BACH2: variants seen among roughly 807,000 people sequenced by gnomAD.
BACH2 encodes transcription regulator protein BACH2.
BACH2 carries 5 observed loss-of-function variants against 61.8 expected under a neutral mutation model. That is an observed-to-expected ratio of 0.08 (90% CI 0.04 to 0.17). The LOEUF (loss-of-function observed/expected upper bound fraction) is 0.17. BACH2 is among the 10% of genes least tolerant of loss of function. The pLI is 1.00. For synonymous variants in BACH2, 446 were observed against 440.1 expected, an observed-to-expected ratio of 1.01 and a Z score of -0.17; for missense variants, 824 against 1,091.1, an observed-to-expected ratio of 0.76 and a Z score of 3.45.
chr6:90,161,904 AAAAG>A (rs1785204451), intron 4 of BACH2, among the ~76,000 whole-genome samples: 1 of 152,192 alleles, frequency 6.6e-6, no homozygotes, highest in Admixed American at 6.5e-5. Context: ...AATGTGTACT[AAAAG>A]AAGCGGAACC....
At chr6:89,935,294 G>A (rs973294778) in intron 8 of BACH2, among the ~76,000 whole-genome samples, 2 of 152,292 alleles carry the variant, frequency 1.3e-5, no homozygotes, top group East Asian at 3.9e-4. Flanking sequence ...TATATGGGTG[G>A]CTGTGCAACC....
At chr6:90,212,072 G>A (rs990284454) in intron 3 of BACH2, among the ~76,000 whole-genome samples, 1 of 152,178 alleles carries the variant, frequency 6.6e-6, no homozygotes, top group Non-Finnish European at 1.5e-5. Flanking sequence ...TTAGAAACTT[G>A]GGAAATCAGA....
Position 90,008,484 on chromosome 6 carries a change from T to C in BACH2, c.243+118A>G. On this transcript the variant is annotated intron_variant, in intron 6 of 8. Coordinates refer to ENST00000257749, the MANE Select transcript of BACH2 (RefSeq NM_021813.4). The surrounding 1 kb of genome is among the most constrained non-coding windows in gnomAD (Gnocchi z 4.1). Reference sequence around the variant, plus strand: ...TATGCCACAGACCTAACATGTGACTTGGACATCAACTCCTGAGTGGGGACA... The same window carrying C: ...TATGCCACAGACCTAACATGTGACTCGGACATCAACTCCTGAGTGGGGACA... The C allele has an allele frequency of 7.8e-7, 1 of 1,289,644 alleles. No individual in the cohort carries two copies. The highest frequency in any genetic ancestry group is 1.9e-5 in the Admixed American group (1 of 52,370). 79.9% of individuals were successfully genotyped at this position (1,289,644 alleles called of 1,614,324 possible). A position where few individuals can be genotyped will look rare whatever the true frequency, so the allele number is the denominator to read the frequency against.
At chr6:90,265,942 A>AT in intron 2 of BACH2, among the ~76,000 whole-genome samples, 1 of 152,294 alleles carries the variant, frequency 6.6e-6, no homozygotes, top group East Asian at 1.9e-4. Flanking sequence ...CAACCCTATG[A>AT]TGTAAGTATT....
intron 3 of BACH2, among the ~76,000 whole-genome samples, chr6:90,239,203 A>G (rs1270502220): frequency 2.6e-5 from 4 of 152,224 alleles, no homozygotes; most frequent in Non-Finnish European, 5.9e-5. Flanking sequence ...CTAGGATCTA[A>G]GATGTCCACG....
intron 4 of BACH2, among the ~76,000 whole-genome samples, chr6:90,187,217 T>C (rs934242409): frequency 2.0e-5 from 3 of 152,148 alleles, no homozygotes; most frequent in Non-Finnish European, 4.4e-5. Flanking sequence ...AGAGGCAAAA[T>C]GTACCGAATA....
intron 4 of BACH2, among the ~76,000 whole-genome samples, chr6:90,172,603 A>G (rs765922866): frequency 8.3e-4 from 127 of 152,106 alleles, no homozygotes; most frequent in Non-Finnish European, 1.3e-3. Flanking sequence ...TGTCTTTAAA[A>G]CACTGAAAGA....
chr6:90,233,686 A>AT (rs1406500521), intron 3 of BACH2, among the ~76,000 whole-genome samples: 1 of 152,152 alleles, frequency 6.6e-6, no homozygotes, highest in African/African-American at 2.4e-5. Context: ...AATATCAGCG[A>AT]TTGGTATTAC....
At chr6:90,181,855 C>T (rs1489140941) in intron 4 of BACH2, among the ~76,000 whole-genome samples, 1 of 152,106 alleles carries the variant, frequency 6.6e-6, no homozygotes, top group Non-Finnish European at 1.5e-5. Flanking sequence ...AAGTCCCATA[C>T]TAAGCTAATG....
At chr6:89,977,913 C>T (rs1022520217) in intron 6 of BACH2, among the ~76,000 whole-genome samples, 3 of 152,160 alleles carry the variant, frequency 2.0e-5, no homozygotes, top group East Asian at 1.9e-4. Flanking sequence ...AAGTGCTGAG[C>T]GTACGCTGGA....
intron 6 of BACH2, chr6:90,001,147 C>G (rs1459791151): frequency 6.6e-6 from 1 of 152,274 alleles, no homozygotes; most frequent in Non-Finnish European, 1.5e-5. Flanking sequence ...CTGTTGCATA[C>G]TGAAGGCAAT....
At chr6:90,045,880 T>C (rs1395401263) in intron 5 of BACH2, among the ~76,000 whole-genome samples, 1 of 152,226 alleles carries the variant, frequency 6.6e-6, no homozygotes, top group Non-Finnish European at 1.5e-5. Flanking sequence ...AGTTGGCACA[T>C]TTTTAAAGGT....
At chr6:90,273,057 A>C (rs924471204) in intron 1 of BACH2, among the ~76,000 whole-genome samples, 2 of 152,192 alleles carry the variant, frequency 1.3e-5, no homozygotes, top group African/African-American at 4.8e-5. Flanking sequence ...TATGTGCCTC[A>C]GTCTCCTCAT....
chr6:90,133,081 AAATTAGTT>A (rs1401574539), intron 4 of BACH2, among the ~76,000 whole-genome samples: 1 of 152,222 alleles, frequency 6.6e-6, no homozygotes, highest in Non-Finnish European at 1.5e-5. Context: ...ATTCAAATGC[AAATTAGTT>A]AATTTCTTGT....
At chr6:90,092,496 G>A (rs1782213381) in intron 4 of BACH2, among the ~76,000 whole-genome samples, 2 of 151,814 alleles carry the variant, frequency 1.3e-5, no homozygotes, top group South Asian at 4.2e-4. Flanking sequence ...CCCACTCACA[G>A]TAGCTTTGTT....
At chr6:90,125,692 C>T (rs1884574) in intron 4 of BACH2, among the ~76,000 whole-genome samples, 6,340 of 152,262 alleles carry the variant, frequency 0.042, 381 homozygotes, top group African/African-American at 0.13. Context: ...CCCATTCCAC[C>T]GGGCACATGC....
intron 5 of BACH2, among the ~76,000 whole-genome samples, chr6:90,030,812 C>A (rs1300989033): frequency 3.3e-5 from 5 of 151,856 alleles, no homozygotes; most frequent in Admixed American, 3.3e-4. Context: ...TGAAACTATT[C>A]CAATCAATAG....
rs764208381 is a variant in BACH2 at position 89,931,681 on chromosome 6, AAAACC to A, written c.*722_*726del. 2 of 152,646 alleles carry A rather than the reference AAAACC, an allele frequency of 1.3e-5. No homozygotes were observed. The highest frequency in any genetic ancestry group is 6.6e-5 in the Admixed American group (1 of 15,258). 9.5% of individuals were successfully genotyped at this position (152,646 alleles called of 1,614,324 possible). A position where few individuals can be genotyped will look rare whatever the true frequency, so the allele number is the denominator to read the frequency against. On this transcript the variant is annotated 3_prime_UTR_variant, in exon 9 of 9. Coordinates refer to ENST00000257749, the MANE Select transcript of BACH2 (RefSeq NM_021813.4). ...TCAAATGACACCACTTGGAGGTGCC[AAAACC>A]AAACCAAACGAAAAAGAAATCTGAA...
At chr6:89,943,960 A>T (rs565900735) in intron 7 of BACH2, among the ~76,000 whole-genome samples, 1 of 152,312 alleles carries the variant, frequency 6.6e-6, no homozygotes, top group East Asian at 1.9e-4. Context: ...TGCCCATTGG[A>T]GATGATTCCA....
Sources: gnomAD v4.1 joint callset for allele counts (sites outside exome capture counted in the v4.1 genomes callset) on GRCh38, gnomAD v4.1.1 for gene constraint, Gnocchi (gnomAD v3.1) non-coding constraint, MANE v1.5 for transcripts, NCBI Gene and HGNC (gene_info 2026-07-23, HGNC 2026-07-21) for gene names.